The following ECHDC3 variants were observed in gnomAD, a reference collection of about 807,000 sequenced individuals.
ECHDC3 encodes enoyl-CoA hydratase domain containing 3.
A neutral mutation model predicts 17.9 loss-of-function variants in ECHDC3; 20 were observed. The observed-to-expected ratio is 1.12, with a 90% CI of 0.79 to 1.63. The LOEUF (loss-of-function observed/expected upper bound fraction) is 1.63, where lower values mean the gene tolerates loss of function less well. ECHDC3 is among the 40% of genes most tolerant of loss of function. ECHDC3 has a pLI of 0.00. For synonymous variants in ECHDC3, 177 were observed against 149.7 expected (o/e 1.18, Z -1.33); for missense variants, 407 against 357.7 (o/e 1.14, Z -1.11).
intron 1 of ECHDC3, among the ~76,000 whole-genome samples, chr10:11,745,281 G>A (rs1886388): frequency 0.93 from 141,812 of 151,982 alleles, 67,002 homozygotes; most frequent in East Asian, 1. Flanking sequence ...CAATGGCCTC[G>A]GGGGCTGGAA....
intron 1 of ECHDC3, 107 bp downstream of exon 1, chr10:11,742,853 TG>T (rs1212534453): frequency 8.6e-7 from 1 of 1,166,402 alleles, no homozygotes; most frequent in Non-Finnish European, 1.1e-6. Context: ...TTTACGCCCC[TG>T]GGGAGGGAAC....
Position 11,755,444 on chromosome 10 carries a change from A to G in ECHDC3, c.427A>G (p.Ile143Val), listed in dbSNP as rs1207580246. ...MHIRNHPVPVIAMVNGLAAAA... is the reference protein window; with the variant it reads ...MHIRNHPVPVVAMVNGLAAAA... ...CATCCGGAACCACCCCGTTCCCGTC[A>G]TTGCCATGGTCAATGGCCTGGCCGC... Residue 143 changes from isoleucine (I) to valine (V), a missense_variant, in exon 4 of 5, where the codon ATT becomes GTT. By Grantham distance (29) the Ile-to-Val change is conservative. Transcript: ENST00000379215. The G allele has an allele frequency of 5.6e-6, 9 of 1,613,574 alleles. No homozygotes were observed. Among genetic ancestry groups the G allele is most frequent in the Non-Finnish European group, 7.6e-6 (9 of 1,179,838 alleles).
intron 4 of ECHDC3, among the ~76,000 whole-genome samples, chr10:11,760,924 T>C (rs762894305): frequency 2.6e-5 from 4 of 152,244 alleles, no homozygotes; most frequent in Non-Finnish European, 4.4e-5. Flanking sequence ...CAACTAAAAA[T>C]GGTCTGCCCT....
chr10:11,754,092 G>A (rs1014441019), intron 3 of ECHDC3, among the ~76,000 whole-genome samples: 28 of 152,182 alleles, frequency 1.8e-4, no homozygotes, highest in East Asian at 3.9e-4. Context: ...TGTCATTAGC[G>A]TTTATCAGGT....
In ECHDC3 at chr10:11,763,040, G is replaced by A. The variant is rs1219297208; in HGVS notation, c.592-184G>A. Reference sequence around the variant, plus strand: ...GACAGCCACTGCTCCCCTGGGCCTGGTGTGGTTTCTTCGCTCTTGGAAAGA... The same window carrying A: ...GACAGCCACTGCTCCCCTGGGCCTGATGTGGTTTCTTCGCTCTTGGAAAGA... On this transcript the variant is annotated intron_variant, in intron 4 of 4. Transcript: ENST00000379215. The surrounding 1 kb of genome is among the most constrained non-coding windows in gnomAD (Gnocchi z 4.9). Among the ~76,000 whole-genome samples the A allele has an allele frequency of 6.6e-6, 1 of 152,162 alleles. No homozygotes were observed. Among genetic ancestry groups the A allele is most frequent in the Non-Finnish European group, 1.5e-5 (1 of 68,032 alleles).
chr10:11,763,407 C>T lies in ECHDC3; in HGVS notation c.775C>T (p.Leu259=). The T allele has an allele frequency of 1.3e-6, 1 of 788,092 alleles. No individual in the cohort carries two copies. 48.8% of individuals were successfully genotyped at this position (788,092 alleles called of 1,614,324 possible). The change falls in exon 5 of 5, where the codon CTG becomes TTG. Residue 259 remains leucine (L), a synonymous_variant. Transcript: ENST00000379215. This position sits in a 1 kb window ranked among gnomAD's most constrained non-coding sequence, Gnocchi z 4.9. ...GGGCAAAGCCACCTTCTACAAGCAG[C>T]TGCCCCAGGACCTGGGGACGGCTTA... ...SLGKATFYKQ[L]PQDLGTAYYL...
intron 1 of ECHDC3, among the ~76,000 whole-genome samples, chr10:11,746,036 G>T (rs1467424788): frequency 6.6e-6 from 1 of 152,126 alleles, no homozygotes; most frequent in Non-Finnish European, 1.5e-5. Flanking sequence ...GCCACTGTAA[G>T]AAAAGACGGG....
At chr10:11,754,281 T>C (rs1409466203) in intron 3 of ECHDC3, among the ~76,000 whole-genome samples, 2 of 45,578 alleles carry the variant, frequency 4.4e-5, no homozygotes, top group Non-Finnish European at 5.9e-5. Flanking sequence ...CATTTGTCTT[T>C]GAATACCTGC....
intron 2 of ECHDC3, among the ~76,000 whole-genome samples, chr10:11,749,100 A>G (rs1366706019): frequency 2.0e-5 from 3 of 152,190 alleles, no homozygotes; most frequent in African/African-American, 4.8e-5. Context: ...ATGAAATGAC[A>G]TGGACACTGC....
intron 1 of ECHDC3, among the ~76,000 whole-genome samples, chr10:11,744,520 T>C (rs895697425): frequency 2.0e-5 from 3 of 152,170 alleles, no homozygotes; most frequent in Admixed American, 6.5e-5. Context: ...TGGGGGCATT[T>C]ATAGGGACCA....
chr10:11,748,667 C>G (rs1000929243), intron 2 of ECHDC3, among the ~76,000 whole-genome samples: 3 of 152,198 alleles, frequency 2.0e-5, no homozygotes, highest in African/African-American at 7.2e-5. Flanking sequence ...GGGCAGATCA[C>G]TTGAGGCCAA....
At chr10:11,754,401 A>G (rs1832862615) in intron 3 of ECHDC3, among the ~76,000 whole-genome samples, 1 of 152,228 alleles carries the variant, frequency 6.6e-6, no homozygotes, top group South Asian at 2.1e-4. Context: ...AGCTGCAAAA[A>G]TAAGTTAAAG....
intron 3 of ECHDC3, among the ~76,000 whole-genome samples, chr10:11,753,999 T>TCA: frequency 6.6e-6 from 1 of 152,266 alleles, no homozygotes; most frequent in South Asian, 2.1e-4. Flanking sequence ...CAGGCTGGTC[T>TCA]CAAACTCTTG....
chr10:11,744,621 C>T (rs778325578), intron 1 of ECHDC3, among the ~76,000 whole-genome samples: 8 of 151,940 alleles, frequency 5.3e-5, no homozygotes, highest in African/African-American at 1.5e-4. Context: ...GTGGAGCTCT[C>T]GGTGCAAGGC....
rs192566850 is a variant in ECHDC3, at chr10:11,755,194, C to A, written c.391-214C>A. Among the ~76,000 whole-genome samples, 265 of 152,140 alleles carry A rather than the reference C, an allele frequency of 1.7e-3. 3 individuals are homozygous for A. The East Asian group carries it at 0.036, about 21-fold the overall frequency. On this transcript the variant is annotated intron_variant, in intron 3 of 4. Coordinates refer to ENST00000379215, the MANE Select transcript of ECHDC3 (RefSeq NM_024693.5). ...AAAAAAATTTAGCTGGGCGTGGTAGCCCATGCCTGTAGTCCCAGCTACTCA... is the reference window on the plus strand; with the variant it reads ...AAAAAAATTTAGCTGGGCGTGGTAGACCATGCCTGTAGTCCCAGCTACTCA...
chr10:11,749,515 T>A lies in ECHDC3; in HGVS notation c.313T>A (p.Ser105Thr). 6.2e-7 allele frequency: 1 copy of A among 1,614,114 alleles called. No homozygotes were observed. The highest frequency in any genetic ancestry group is 8.5e-7 in the Non-Finnish European group (1 of 1,180,022). ...IISAEGPVFSSGHDLKELTEE... is the reference protein window; with the variant it reads ...IISAEGPVFSTGHDLKELTEE... The stretch of plus-strand genomic sequence containing the variant: ...TGCAGCTGAGGGGCCTGTGTTTTCT[T>A]CTGGGCATGACTTAAAGGAGCTGAC... Residue 105 changes from serine to threonine, a missense_variant, in exon 3 of 5, where the codon TCT becomes ACT. Ser to Thr is a moderately conservative substitution (Grantham distance 58). Transcript: ENST00000379215.
intron 3 of ECHDC3, 192 bp from the exon 4 acceptor site, chr10:11,755,216 C>T (rs775709221): frequency 5.6e-6 from 3 of 533,550 alleles, no homozygotes; most frequent in African/African-American, 3.8e-5. Context: ...GTCCCAGCTA[C>T]TCAGGAGGCT....
rs1396354778 is a variant in ECHDC3 at position 11,763,295 on chromosome 10, C to T, written c.663C>T (p.Ser221=). The T allele has an allele frequency of 1.3e-6, 1 of 780,422 alleles. No homozygotes were observed. The highest frequency in any genetic ancestry group is 2.4e-6 in the Non-Finnish European group (1 of 418,118). The allele number at this position is 780,422 out of a possible 1,614,324, so 48.3% of individuals were successfully genotyped here. The change falls in exon 5 of 5, where the codon AGC becomes AGT. Residue 221 remains serine (S), a synonymous_variant. Transcript: ENST00000379215. This position sits in a 1 kb window ranked among gnomAD's most constrained non-coding sequence, Gnocchi z 4.9. ...AGGCCCTGCTCCACGGGCTGCTTAGCAAGGTGGTGCCAGAGGCGGAGCTGC... is the reference window on the plus strand; with the variant it reads ...AGGCCCTGCTCCACGGGCTGCTTAGTAAGGTGGTGCCAGAGGCGGAGCTGC... ...AQEALLHGLL[S]KVVPEAELQE...
Position 11,749,495 on chromosome 10 carries a change from C to G in ECHDC3, c.293C>G (p.Ala98Gly). 6.2e-7 allele frequency: 1 copy of G among 1,613,958 alleles called. No individual in the cohort carries two copies. Among genetic ancestry groups the G allele is most frequent in the Non-Finnish European group, 8.5e-7 (1 of 1,180,000 alleles). Reference sequence around the variant, plus strand: ...TTTTCTCAATTGGAAACATTTGCAGCTGAGGGGCCTGTGTTTTCTTCTGGG... The same window carrying G: ...TTTTCTCAATTGGAAACATTTGCAGGTGAGGGGCCTGTGTTTTCTTCTGGG... ...SNDLKVIIIS[A>G]EGPVFSSGHD... Residue 98 changes from alanine to glycine, a missense_variant and splice_region_variant, in exon 3 of 5, where the codon GCT becomes GGT. Ala to Gly is a moderately conservative substitution (Grantham distance 60). Coordinates refer to ENST00000379215, the MANE Select transcript of ECHDC3 (RefSeq NM_024693.5).
Sources: allele counts gnomAD v4.1 joint callset (sites outside exome capture counted in the v4.1 genomes callset), GRCh38; gene constraint gnomAD v4.1.1; non-coding constraint Gnocchi (gnomAD v3.1); transcripts MANE v1.5; gene names NCBI Gene and HGNC (gene_info 2026-07-23, HGNC 2026-07-21).